The following VLDLR variants were observed in gnomAD, a reference collection of about 807,000 sequenced individuals.
The protein encoded by VLDLR is very low-density lipoprotein receptor.
A neutral mutation model predicts 112.7 loss-of-function variants in VLDLR; 81 were observed. That is an observed-to-expected ratio of 0.72 (90% CI 0.60 to 0.86). The LOEUF (loss-of-function observed/expected upper bound fraction) is 0.86. Among genes scored for constraint, VLDLR ranks in the 40% least tolerant of loss-of-function variants. The pLI is 0.00. For missense variants in VLDLR, 1,237 were observed against 1,099.4 expected, an observed-to-expected ratio of 1.13 and a Z score of -1.77; for synonymous variants, 436 against 384.8, an observed-to-expected ratio of 1.13 and a Z score of -1.56.
Position 2,651,413 on chromosome 9 carries a change from A to G in VLDLR, c.2252-2A>G, listed in dbSNP as rs149535475. On this transcript the variant is annotated splice_acceptor_variant, in intron 15 of 18. Coordinates refer to ENST00000382100, the MANE Select transcript of VLDLR (RefSeq NM_003383.5). LOFTEE classifies it high-confidence loss of function. ...ACCAGGTTCTTGGTTTTTATAATTC[A>G]GGTACTGCAACTACTGTGACTTACA... 3.1e-6 allele frequency: 5 copies of G among 1,613,514 alleles called. No homozygotes were observed. The highest frequency in any genetic ancestry group is 1.3e-5 in the African/African-American group (1 of 74,922).
rs1284872756 is a variant in VLDLR, at chr9:2,659,589, A to G, written c.*5721A>G. 2.0e-5 allele frequency: 3 copies of G among 152,276 alleles called. No homozygotes were observed. The highest frequency in any genetic ancestry group is 3.8e-4 in the East Asian group (2 of 5,206). 9.4% of individuals were successfully genotyped at this position (152,276 alleles called of 1,614,324 possible). A position where few individuals can be genotyped will look rare whatever the true frequency, so the allele number is the denominator to read the frequency against. ...TAAGCAGGCAACTTCATTCCTATGT[A>G]TAAGATATTGGGAGAAAACAAACTG... On this transcript the variant is annotated 3_prime_UTR_variant, in exon 19 of 19. Coordinates refer to ENST00000382100, the MANE Select transcript of VLDLR (RefSeq NM_003383.5).
chr9:2,643,397 G>A lies in VLDLR; in HGVS notation c.686G>A (p.Cys229Tyr). 2 of 1,614,156 alleles carry A rather than the reference G, an allele frequency of 1.2e-6. No individual in the cohort carries two copies. The highest frequency in any genetic ancestry group is 1.7e-6 in the Non-Finnish European group (2 of 1,180,028). The change falls in exon 5 of 19, where the codon TGT becomes TAT. Residue 229 changes from cysteine (C) to tyrosine (Y), a missense_variant. Physicochemically the swap from Cys to Tyr is radical, Grantham distance 194 (BLOSUM62 -2). Coordinates refer to ENST00000382100, the MANE Select transcript of VLDLR (RefSeq NM_003383.5). ...CAATCTGATGAGTCCCTGGAGCAGT[G>A]TGGCCGTCAGCCAGTCATACACACC... Reference protein sequence around the residue: ...SDQSDESLEQCGRQPVIHTKC... With the variant: ...SDQSDESLEQYGRQPVIHTKC...
chr9:2,630,790 C>A (rs1817315438), intron 1 of VLDLR, among the ~76,000 whole-genome samples: 2 of 152,126 alleles, frequency 1.3e-5, no homozygotes, highest in South Asian at 4.1e-4. Context: ...TGAAAGAGAC[C>A]TCAAAAGCTT....
rs1817867702 is a variant in VLDLR at position 2,642,326 on chromosome 9, C to T, written c.448+827C>T. On this transcript the variant is annotated intron_variant, in intron 4 of 18. Transcript: ENST00000382100. ...CTCAGGGCACTTACAGTTGAAACAC[C>T]AGTCTTGTGTGTAGAAGTCGCCTCC... Among the ~76,000 whole-genome samples the T allele has an allele frequency of 2.0e-5, 3 of 152,302 alleles. No individual in the cohort carries two copies. The South Asian group carries it at 6.2e-4, about 32-fold the overall frequency.
chr9:2,643,198 A>C lies in VLDLR; in HGVS notation c.487A>C (p.Ser163Arg). ...TAGTCCCGACGAGTTCACCTGCTCC[A>C]GTGGCCGCTGCATCTCCAGGAACTT... is the stretch of plus-strand genomic sequence containing the variant. ...TCSPDEFTCS[S>R]GRCISRNFVC... The change falls in exon 5 of 19, where the codon AGT (serine) becomes CGT (arginine). Residue 163 changes from serine to arginine, a missense_variant. Transcript: ENST00000382100. 1 of 1,613,766 alleles carries C rather than the reference A, an allele frequency of 6.2e-7. No homozygotes were observed. The highest frequency in any genetic ancestry group is 8.5e-7 in the Non-Finnish European group (1 of 1,180,032).
chr9:2,641,277 G>A (rs965254006), intron 3 of VLDLR, 100 bp from the exon 4 acceptor site: 19 of 1,576,534 alleles, frequency 1.2e-5, no homozygotes, highest in Non-Finnish European at 1.7e-5. Context: ...AGTGTGCCAG[G>A]CTACTGAGTC....
rs1818421951 is a variant in VLDLR, at chr9:2,652,963, G to A, written c.2586+14G>A. 6.2e-7 allele frequency: 1 copy of A among 1,613,918 alleles called. No homozygotes were observed. Among genetic ancestry groups the A allele is most frequent in the Non-Finnish European group, 8.5e-7 (1 of 1,179,850 alleles). ...ACGTACCCAGCAGTAAGTCAGCTTT[G>A]TGTCTTTATACACCATGGCTTGAAG... On this transcript the variant is annotated intron_variant, in intron 18 of 18. Coordinates refer to ENST00000382100, the MANE Select transcript of VLDLR (RefSeq NM_003383.5).
At chr9:2,647,760 A>C (rs6475888) in intron 12 of VLDLR, 168 bp downstream of exon 12, 1 of 706,728 alleles carries the variant, frequency 1.4e-6, no homozygotes, top group Non-Finnish European at 2.5e-6. Flanking sequence ...TGGTGGATTA[A>C]CAAATTACAC....
In VLDLR at chr9:2,622,047, T is replaced by TC; in HGVS notation, c.-138dup. ...GGTGCCCTCTTCTTCCCCGCTCCCT[T>TC]CCCCCGCCAACTCCTTCCCCTCCTT... On this transcript the variant is annotated 5_prime_UTR_variant, in exon 1 of 19. Coordinates refer to ENST00000382100, the MANE Select transcript of VLDLR (RefSeq NM_003383.5). The TC allele has an allele frequency of 1.2e-6, 1 of 814,436 alleles. No homozygotes were observed. Among genetic ancestry groups the TC allele is most frequent in the South Asian group, 1.8e-5 (1 of 54,620 alleles). The allele number at this position is 814,436 out of a possible 1,614,324, so 50.5% of individuals were successfully genotyped here.
chr9:2,647,275 T>C (rs1271532269), intron 11 of VLDLR, among the ~76,000 whole-genome samples, 199 bp from the exon 12 acceptor site: 1 of 152,238 alleles, frequency 6.6e-6, no homozygotes, highest in Non-Finnish European at 1.5e-5. Flanking sequence ...ACATAGATTA[T>C]TATAGTTAAT....
rs778354773 is a variant in VLDLR, at chr9:2,645,738, A to G, written c.1477A>G (p.Ile493Val). The G allele has an allele frequency of 2.5e-6, 4 of 1,614,186 alleles. No homozygotes were observed. The highest frequency in any genetic ancestry group is 3.4e-6 in the Non-Finnish European group (4 of 1,180,030). Residue 493 changes from isoleucine (I) to valine (V), a missense_variant, in exon 10 of 19, where the codon ATC becomes GTC. Transcript: ENST00000382100. ...CTGGGCCGATCTAAGCCAAAAGGCT[A>G]TCTTCAGGTAACTTTCAGTTCCTTT... ...LFWADLSQKA[I>V]FSASIDDKVG... is the part of the protein sequence containing the mutation.
chr9:2,654,634 G>C lies in VLDLR; in HGVS notation c.*766G>C, dbSNP rs368949537. On this transcript the variant is annotated 3_prime_UTR_variant, in exon 19 of 19. Coordinates refer to ENST00000382100, the MANE Select transcript of VLDLR (RefSeq NM_003383.5). ...CACCCTAGCACAGTTAAAAAATGAA[G>C]TACTGTTTAACATTTGCTCCCGAAA... 25 of 152,268 alleles carry C rather than the reference G, an allele frequency of 1.6e-4. No homozygotes were observed. Among genetic ancestry groups the C allele is most frequent in the East Asian group, 1.2e-3 (6 of 5,186 alleles). 9.4% of individuals were successfully genotyped at this position (152,268 alleles called of 1,614,324 possible).
intron 1 of VLDLR, among the ~76,000 whole-genome samples, chr9:2,631,047 A>T (rs1817328664): frequency 6.6e-6 from 1 of 152,226 alleles, no homozygotes; most frequent in East Asian, 1.9e-4. Context: ...AAAATAACCA[A>T]CAGATACATG....
Position 2,648,263 on chromosome 9 carries a change from C to T in VLDLR, c.1878C>T (p.Ser626=), listed in dbSNP as rs772963484. 5.0e-6 allele frequency: 8 copies of T among 1,614,042 alleles called. No homozygotes were observed. Among genetic ancestry groups the T allele is most frequent in the African/African-American group, 2.7e-5 (2 of 74,934 alleles). The change falls in exon 13 of 19, where the codon AGC becomes AGT. Residue 626 remains serine, a synonymous_variant. Transcript: ENST00000382100. ...ATTCTAAGTTGCACATGTTATCCAG[C>T]GTGGACTTGAATGGCCAAGATCGTA... ...WLDSKLHMLS[S]VDLNGQDRRI...
chr9:2,639,785 G>A, intron 2 of VLDLR, 74 bp from the exon 3 acceptor site: 2 of 1,610,712 alleles, frequency 1.2e-6, no homozygotes, highest in South Asian at 1.1e-5. Flanking sequence ...CCAAAATGCA[G>A]TATGAGCCCT....
intron 1 of VLDLR, among the ~76,000 whole-genome samples, chr9:2,625,071 C>T (rs1364942237): frequency 6.6e-6 from 1 of 152,230 alleles, no homozygotes; most frequent in African/African-American, 2.4e-5. Context: ...CTAAACATTG[C>T]TAGCAAAGGT....
At chr9:2,627,428 C>G (rs376814451) in intron 1 of VLDLR, among the ~76,000 whole-genome samples, 7 of 152,134 alleles carry the variant, frequency 4.6e-5, no homozygotes, top group East Asian at 1.9e-4. Context: ...ATATATCACA[C>G]TCAACTTTAC....
chr9:2,643,395 G>A lies in VLDLR; in HGVS notation c.684G>A (p.Gln228=). ...ACCAATCTGATGAGTCCCTGGAGCA[G>A]TGTGGCCGTCAGCCAGTCATACACA... is the stretch of plus-strand genomic sequence containing the variant. ...CSDQSDESLE[Q]CGRQPVIHTK... is the part of the protein sequence containing the mutation. The change falls in exon 5 of 19, where the codon CAG becomes CAA. Residue 228 remains glutamine, a synonymous_variant. Coordinates refer to ENST00000382100, the MANE Select transcript of VLDLR (RefSeq NM_003383.5). The A allele has an allele frequency of 6.2e-7, 1 of 1,614,192 alleles. No homozygotes were observed. The highest frequency in any genetic ancestry group is 8.5e-7 in the Non-Finnish European group (1 of 1,180,038).
At position 2,643,163 on chromosome 9, in the gene VLDLR, A is replaced by G. The variant is rs749531536; in HGVS notation, c.452A>G (p.Asn151Ser). 10 of 1,610,500 alleles carry G rather than the reference A, an allele frequency of 6.2e-6. No homozygotes were observed. The highest frequency in any genetic ancestry group is 1.1e-5 in the South Asian group (1 of 91,078). The change falls in exon 5 of 19, where the codon AAT becomes AGT. Residue 151 changes from asparagine to serine, a missense_variant. By Grantham distance (46) the Asn-to-Ser change is conservative. Transcript: ENST00000382100. ...GGGGCATCCTCTCTCTTAATAGGCAATATAACATGTAGTCCCGACGAGTTC... is the reference window on the plus strand; with the variant it reads ...GGGGCATCCTCTCTCTTAATAGGCAGTATAACATGTAGTCCCGACGAGTTC... ...DSGEDEENCG[N>S]ITCSPDEFTC...
Sources: gnomAD v4.1 joint callset for allele counts (sites outside exome capture counted in the v4.1 genomes callset) on GRCh38, gnomAD v4.1.1 for gene constraint, MANE v1.5 for transcripts, NCBI Gene and HGNC (gene_info 2026-07-23, HGNC 2026-07-21) for gene names.